PRDM5: variants seen among roughly 807,000 people sequenced by gnomAD.
PRDM5 encodes PR domain zinc finger protein 5.
In PRDM5, 56 loss-of-function variants were observed where a neutral mutation model predicts 81.2. The observed-to-expected ratio is 0.69, with a 90% CI of 0.56 to 0.86. The LOEUF is 0.86. Among genes scored for constraint, PRDM5 ranks in the 40% least tolerant of loss-of-function variants. PRDM5 has a pLI of 0.00. For synonymous variants in PRDM5, 267 were observed against 256.4 expected (o/e 1.04, Z -0.39); for missense variants, 697 against 770.1 (o/e 0.91, Z 1.12).
At chr4:120,863,061 G>A (rs912139642) in intron 2 of PRDM5, among the ~76,000 whole-genome samples, 1 of 150,294 alleles carries the variant, frequency 6.7e-6, no homozygotes, top group African/African-American at 2.5e-5. Context: ...GGGAGGCTGA[G>A]GCATGAGAAT....
At chr4:120,745,933 T>G (rs1312387711) in intron 14 of PRDM5, among the ~76,000 whole-genome samples, 1 of 150,082 alleles carries the variant, frequency 6.7e-6, no homozygotes, top group African/African-American at 2.5e-5. Context: ...AAAAAACTAC[T>G]TTAAAGTTCA....
chr4:120,723,694 T>C (rs1738965082), intron 14 of PRDM5, among the ~76,000 whole-genome samples: 1 of 152,048 alleles, frequency 6.6e-6, no homozygotes, highest in Non-Finnish European at 1.5e-5. Context: ...AACATATATA[T>C]ACACACACTT....
intron 14 of PRDM5, among the ~76,000 whole-genome samples, chr4:120,712,724 A>T (rs1208747082): frequency 6.6e-6 from 1 of 152,240 alleles, no homozygotes; most frequent in Non-Finnish European, 1.5e-5. Context: ...TCATTGTTCA[A>T]CATTATCCTC....
intron 3 of PRDM5, among the ~76,000 whole-genome samples, chr4:120,850,302 G>GA (rs1759115219): frequency 6.6e-6 from 1 of 152,100 alleles, no homozygotes; most frequent in Non-Finnish European, 1.5e-5. Flanking sequence ...TGTTATGCAG[G>GA]AAACATCATG....
chr4:120,742,633 CAAAA>C (rs1742228849), intron 14 of PRDM5, among the ~76,000 whole-genome samples: 2 of 152,106 alleles, frequency 1.3e-5, no homozygotes, highest in Non-Finnish European at 2.9e-5. Context: ...GTGAAGAATG[CAAAA>C]GCCTCAGGAG....
At chr4:120,825,466 G>T (rs1383919352) in intron 3 of PRDM5, among the ~76,000 whole-genome samples, 1 of 151,984 alleles carries the variant, frequency 6.6e-6, no homozygotes, top group African/African-American at 2.4e-5. Flanking sequence ...TCATTACCTT[G>T]GACTCATCCT....
intron 14 of PRDM5, among the ~76,000 whole-genome samples, chr4:120,753,803 A>G (rs1012896825): frequency 6.6e-6 from 1 of 152,206 alleles, no homozygotes; most frequent in Non-Finnish European, 1.5e-5. Flanking sequence ...AGTTGTATAG[A>G]GCAAAATCAA....
chr4:120,741,486 G>C (rs150331424), intron 14 of PRDM5, among the ~76,000 whole-genome samples: 1 of 151,594 alleles, frequency 6.6e-6, no homozygotes, highest in Middle Eastern at 3.5e-3. Flanking sequence ...CGCAGAAGAC[G>C]GGTGATTACT....
At chr4:120,723,923 A>ATTTTTTTTTTTTTTTTTTTTTT (rs70948360) in intron 14 of PRDM5, among the ~76,000 whole-genome samples, 1 of 81,278 alleles carries the variant, frequency 1.2e-5, no homozygotes, top group African/African-American at 5.2e-5. Flanking sequence ...GATAGCTTGA[A>ATTTTTTTTTTTTTTTTTTTTTT]TTTTTTTTTT....
At chr4:120,725,953 C>A (rs1212246828) in intron 14 of PRDM5, among the ~76,000 whole-genome samples, 2 of 152,110 alleles carry the variant, frequency 1.3e-5, no homozygotes, top group Non-Finnish European at 2.9e-5. Context: ...ACTGGCAGAA[C>A]AAGCTTAGTT....
chr4:120,917,641 A>G (rs909344634), intron 1 of PRDM5, among the ~76,000 whole-genome samples: 1 of 150,850 alleles, frequency 6.6e-6, no homozygotes, highest in Non-Finnish European at 1.5e-5. Flanking sequence ...ATAAATAAAA[A>G]TTATGGCACA....
chr4:120,841,897 T>C (rs1252597793), intron 3 of PRDM5, among the ~76,000 whole-genome samples: 2 of 152,240 alleles, frequency 1.3e-5, no homozygotes, highest in Admixed American at 1.3e-4. Context: ...CTTGTAATGA[T>C]ATAGCCCAGT....
intron 2 of PRDM5, among the ~76,000 whole-genome samples, chr4:120,873,987 T>C (rs1277585802): frequency 6.6e-6 from 1 of 152,190 alleles, no homozygotes; most frequent in South Asian, 2.1e-4. Context: ...CACATAATAA[T>C]TGTACATATT....
In PRDM5 at chr4:120,692,718, T is replaced by C. The variant is rs1390562; in HGVS notation, c.*2393A>G. The C allele has an allele frequency of 0.99, 150,794 of 152,140 alleles. 74,744 individuals carry two copies. Among genetic ancestry groups the C allele is most frequent in the East Asian group, 1 (5,160 of 5,160 alleles). 9.4% of individuals were successfully genotyped at this position (152,140 alleles called of 1,614,324 possible). On this transcript the variant is annotated 3_prime_UTR_variant, in exon 16 of 16. Coordinates refer to ENST00000264808, the MANE Select transcript of PRDM5 (RefSeq NM_018699.4). ...AGGCACCTAAGGGTCTGGTCTTTTC[T>C]CAAGAAAATACCCCAGCCAAAATCT...
chr4:120,777,052 A>G (rs1748262742), intron 13 of PRDM5, 136 bp downstream of exon 13: 18 of 1,513,542 alleles, frequency 1.2e-5, no homozygotes, highest in Middle Eastern at 1.7e-4. Flanking sequence ...GGGTTGTACA[A>G]TGCTTTAAGA....
chr4:120,758,816 C>T lies in PRDM5; in HGVS notation c.1538-4178G>A, dbSNP rs577808505. On this transcript the variant is annotated intron_variant, in intron 13 of 15. Coordinates refer to ENST00000264808, the MANE Select transcript of PRDM5 (RefSeq NM_018699.4). ...TGTTGCCCAGGCTGGAGTGCAGTGG[C>T]GCGATCTCGACTCACTGCAAGCCCT... is the stretch of plus-strand genomic sequence containing the variant. Among the ~76,000 whole-genome samples, 27 of 151,012 alleles carry T rather than the reference C, an allele frequency of 1.8e-4. 1 individual carries two copies. In the South Asian group the frequency reaches 4.6e-3, roughly 26 times the overall value.
In PRDM5 at chr4:120,705,594, CAA is replaced by C. The variant is rs373724516; in HGVS notation, c.1728+4713_1728+4714del. Among the ~76,000 whole-genome samples the C allele has an allele frequency of 2.9e-3, 439 of 152,142 alleles. 3 individuals carry two copies. The highest frequency in any genetic ancestry group is 0.01 in the African/African-American group (419 of 41,520). On this transcript the variant is annotated intron_variant, in intron 15 of 15. Transcript: ENST00000264808. The stretch of plus-strand genomic sequence containing the variant: ...GTGAGGTGGAGGGTGCTGATGGAGT[CAA>C]AGAGAGCAGAGTGGGAGGGTGAGGG...
rs1210223171 is a variant in PRDM5 at position 120,694,757 on chromosome 4, A to C, written c.*354T>G. On this transcript the variant is annotated 3_prime_UTR_variant, in exon 16 of 16. Coordinates refer to ENST00000264808, the MANE Select transcript of PRDM5 (RefSeq NM_018699.4). ...CAGACACACAGACACACAGACACAC[A>C]AAGAATAACAATAAAATAAAAAGGC... 1 of 270,202 alleles carries C rather than the reference A, an allele frequency of 3.7e-6. No individual in the cohort carries two copies. The highest frequency in any genetic ancestry group is 8.7e-5 in the East Asian group (1 of 11,502). The allele number at this position is 270,202 out of a possible 1,614,324, so 16.7% of individuals were successfully genotyped here.
At chr4:120,739,658 T>G (rs965677905) in intron 14 of PRDM5, among the ~76,000 whole-genome samples, 1 of 151,866 alleles carries the variant, frequency 6.6e-6, no homozygotes, top group African/African-American at 2.4e-5. Flanking sequence ...GTCAAGAGAA[T>G]GAAATCAAGC....
Sources: gnomAD v4.1 joint callset for allele counts (sites outside exome capture counted in the v4.1 genomes callset) on GRCh38, gnomAD v4.1.1 for gene constraint, MANE v1.5 for transcripts, NCBI Gene and HGNC (gene_info 2026-07-23, HGNC 2026-07-21) for gene names.